PRKACB: variants seen among roughly 807,000 people sequenced by gnomAD.
The protein encoded by PRKACB is protein kinase cAMP-activated catalytic subunit beta.
A neutral mutation model predicts 51.4 loss-of-function variants in PRKACB; 16 were observed. That is an observed-to-expected ratio of 0.31 (90% CI 0.21 to 0.47). PRKACB has a LOEUF of 0.47. Ranked by LOEUF, PRKACB falls within the 20% of genes least tolerant of loss-of-function variation. The pLI, the probability that PRKACB is intolerant of heterozygous loss-of-function variation, is 1.00. For synonymous variants in PRKACB, 147 were observed against 154.4 expected (o/e 0.95, Z 0.35); for missense variants, 309 against 464.5 (o/e 0.67, Z 3.08).
intron 1 of PRKACB, chr1:84,164,718 A>G (rs1656828703): frequency 1.4e-6 from 2 of 1,381,414 alleles, no homozygotes; most frequent in African/African-American, 2.9e-5. Flanking sequence ...TTCTAGTGGT[A>G]TATGAAGGAG....
At chr1:84,225,483 G>A (rs1294004278) in intron 9 of PRKACB, among the ~76,000 whole-genome samples, 1 of 152,126 alleles carries the variant, frequency 6.6e-6, no homozygotes, top group Non-Finnish European at 1.5e-5. Flanking sequence ...ATTGGGTCCA[G>A]CCAGCACTGT....
chr1:84,164,833 T>C, intron 1 of PRKACB: 3 of 1,387,170 alleles, frequency 2.2e-6, no homozygotes, highest in Non-Finnish European at 2.8e-6. Context: ...ATGCTTTGCT[T>C]CTAGGGGCTT....
intron 1 of PRKACB, among the ~76,000 whole-genome samples, chr1:84,127,909 G>A (rs1651771244): frequency 6.6e-6 from 1 of 151,388 alleles, no homozygotes; most frequent in Non-Finnish European, 1.5e-5. Context: ...AAGCCAATTT[G>A]CCAAATTTTA....
chr1:84,094,133 T>C (rs1648741881), intron 1 of PRKACB, among the ~76,000 whole-genome samples: 1 of 152,018 alleles, frequency 6.6e-6, no homozygotes, highest in Non-Finnish European at 1.5e-5. Flanking sequence ...CAGTAGTACA[T>C]AGAAATCATG....
chr1:84,195,857 G>T (rs1427359806), intron 5 of PRKACB, among the ~76,000 whole-genome samples: 1 of 151,030 alleles, frequency 6.6e-6, no homozygotes, highest in Non-Finnish European at 1.5e-5. Flanking sequence ...AGTTTGCAGT[G>T]AGCCAAGATT....
chr1:84,131,544 G>T (rs1342112264), intron 1 of PRKACB, among the ~76,000 whole-genome samples: 1 of 152,156 alleles, frequency 6.6e-6, no homozygotes, highest in African/African-American at 2.4e-5. Flanking sequence ...GACATGTAAA[G>T]AACCTAGAAT....
chr1:84,164,274 A>C, intron 1 of PRKACB: 1 of 1,480,598 alleles, frequency 6.8e-7, no homozygotes, highest in Non-Finnish European at 9.0e-7. Context: ...CTCGGCAATA[A>C]GATTCATCGC....
chr1:84,219,384 C>A (rs137984025), intron 9 of PRKACB, among the ~76,000 whole-genome samples: 14 of 151,868 alleles, frequency 9.2e-5, no homozygotes, highest in African/African-American at 2.7e-4. Context: ...ACAACCACAC[C>A]CAGCTAATTT....
chr1:84,201,923 TG>T (rs1670220546), intron 7 of PRKACB, among the ~76,000 whole-genome samples: 1 of 152,060 alleles, frequency 6.6e-6, no homozygotes, highest in South Asian at 2.1e-4. Context: ...AAGCTTAATA[TG>T]AAAAAAACAA....
chr1:84,201,446 A>C (rs1280237118), intron 7 of PRKACB, among the ~76,000 whole-genome samples: 1 of 152,182 alleles, frequency 6.6e-6, no homozygotes, highest in African/African-American at 2.4e-5. Flanking sequence ...TGTGTCTGAC[A>C]TATTTACTAT....
At chr1:84,188,490 G>A (rs1665826013) in intron 5 of PRKACB, among the ~76,000 whole-genome samples, 1 of 151,728 alleles carries the variant, frequency 6.6e-6, no homozygotes, top group African/African-American at 2.4e-5. Flanking sequence ...GAATAGCCAT[G>A]GGTAAAAATC....
At chr1:84,175,872 T>C (rs1572066483) in intron 1 of PRKACB, 2 of 1,231,174 alleles carry the variant, frequency 1.6e-6, no homozygotes, top group East Asian at 2.8e-5. Context: ...AGAAAAAATA[T>C]ATAATTGAAA....
intron 9 of PRKACB, among the ~76,000 whole-genome samples, chr1:84,232,844 G>C (rs1035811594): frequency 9.2e-5 from 14 of 152,152 alleles, no homozygotes; most frequent in African/African-American, 3.4e-4. Flanking sequence ...ACAGCATACT[G>C]ATGGGTCTTG....
chr1:84,227,605 T>C (rs72938499), intron 9 of PRKACB, among the ~76,000 whole-genome samples: 3,892 of 152,302 alleles, frequency 0.026, 176 homozygotes, highest in African/African-American at 0.088. Flanking sequence ...ACTACTCATT[T>C]AAAGTGTATG....
chr1:84,134,029 A>G (rs915838833), intron 1 of PRKACB, among the ~76,000 whole-genome samples: 1 of 152,148 alleles, frequency 6.6e-6, no homozygotes, highest in South Asian at 2.1e-4. Context: ...TCAGCGGGAA[A>G]GGGAGCTGGA....
chr1:84,097,756 G>A (rs1047831103), intron 1 of PRKACB, among the ~76,000 whole-genome samples: 12 of 151,952 alleles, frequency 7.9e-5, no homozygotes, highest in Admixed American at 2.0e-4. Flanking sequence ...AATAGCAGGA[G>A]AAGGTAGATA....
At chr1:84,202,224 C>A (rs1670328036) in intron 7 of PRKACB, among the ~76,000 whole-genome samples, 1 of 152,052 alleles carries the variant, frequency 6.6e-6, no homozygotes, top group Admixed American at 6.6e-5. Flanking sequence ...TTGAAGTCAA[C>A]TTCATTATTT....
intron 1 of PRKACB, among the ~76,000 whole-genome samples, chr1:84,130,032 C>G (rs949361344): frequency 1.3e-5 from 2 of 151,972 alleles, no homozygotes; most frequent in Admixed American, 1.3e-4. Flanking sequence ...AACCCCATCT[C>G]TACTAAAAAT....
intron 1 of PRKACB, 90 bp downstream of exon 1, chr1:84,144,638 TTTG>T: frequency 3.0e-6 from 4 of 1,342,930 alleles, no homozygotes; most frequent in Admixed American, 2.7e-5. Context: ...CCCTCTTTTG[TTTG>T]TTGTTTTCTG....
Sources: gnomAD v4.1 joint callset for allele counts (sites outside exome capture counted in the v4.1 genomes callset) on GRCh38, gnomAD v4.1.1 for gene constraint, MANE v1.5 for transcripts, NCBI Gene and HGNC (gene_info 2026-07-23, HGNC 2026-07-21) for gene names.